The following DIP2C variants were observed in gnomAD, a reference collection of about 807,000 sequenced individuals.
The protein encoded by DIP2C is DIP2 acetate--CoA ligase C (putative).
DIP2C carries 33 observed loss-of-function variants against 192.4 expected under a neutral mutation model. The observed-to-expected ratio is 0.17, with a 90% CI of 0.13 to 0.23. DIP2C has a LOEUF of 0.23. Among genes scored for constraint, DIP2C ranks in the 10% least tolerant of loss-of-function variants. The pLI is 1.00. For missense variants in DIP2C, 1,537 were observed against 2,110.1 expected (o/e 0.73, Z 5.32); for synonymous variants, 979 against 864.1 (o/e 1.13, Z -2.33).
At chr10:359,347 A>G (rs888614029) in intron 22 of DIP2C, among the ~76,000 whole-genome samples, 3 of 152,106 alleles carry the variant, frequency 2.0e-5, no homozygotes, top group Admixed American at 6.5e-5. Flanking sequence ...TGCGCAGGAG[A>G]AGGCACGGCA....
At chr10:388,643 C>A (rs1052073405) in intron 13 of DIP2C, among the ~76,000 whole-genome samples, 4 of 152,226 alleles carry the variant, frequency 2.6e-5, no homozygotes, top group Admixed American at 2.0e-4. Flanking sequence ...GGCAGTGCGT[C>A]CCCAGGTGTG....
At chr10:384,277 T>C (rs1299037844) in intron 15 of DIP2C, 131 bp from the exon 16 acceptor site, 1 of 982,898 alleles carries the variant, frequency 1.0e-6, no homozygotes, top group Non-Finnish European at 1.4e-6. Flanking sequence ...AAACCTTTTT[T>C]TTTTTTTTTT....
At chr10:441,774 T>A (rs537937699) in intron 3 of DIP2C, among the ~76,000 whole-genome samples, 1 of 152,218 alleles carries the variant, frequency 6.6e-6, no homozygotes, top group Non-Finnish European at 1.5e-5. Flanking sequence ...GAAAATGGAC[T>A]AATACAACCA....
intron 2 of DIP2C, among the ~76,000 whole-genome samples, chr10:479,328 C>CTTTTT (rs766379689): frequency 4.5e-5 from 4 of 88,410 alleles, no homozygotes; most frequent in Non-Finnish European, 6.5e-5. Flanking sequence ...TCTCACACTG[C>CTTTTT]TTTTTTTTTT....
At chr10:647,657 C>T (rs533756476) in intron 1 of DIP2C, among the ~76,000 whole-genome samples, 10 of 147,950 alleles carry the variant, frequency 6.8e-5, no homozygotes, top group African/African-American at 2.5e-4. Flanking sequence ...ACTGAATCCA[C>T]GTCCACATTG....
chr10:440,989 G>T lies in DIP2C; in HGVS notation c.276C>A (p.His92Gln). 1 of 1,612,696 alleles carries T rather than the reference G, an allele frequency of 6.2e-7. No individual in the cohort carries two copies. The change falls in exon 4 of 37, where the codon CAC becomes CAA. Residue 92 changes from histidine (H) to glutamine (Q), a missense_variant. This residue lies in a region of DIP2C where 473 missense variants were observed against 539.6 expected (regional missense o/e 0.88). Transcript: ENST00000280886. ...SRDERYRSDV[H>Q]TEAVQAALAK... ...CCAGAGCCGCCTGGACAGCTTCCGTGTGGACGTCTGAAACGGAGAGAGCTC... is the reference window on the plus strand; with the variant it reads ...CCAGAGCCGCCTGGACAGCTTCCGTTTGGACGTCTGAAACGGAGAGAGCTC...
chr10:646,794 G>A (rs1386678565), intron 1 of DIP2C, among the ~76,000 whole-genome samples: 1 of 152,216 alleles, frequency 6.6e-6, no homozygotes, highest in Admixed American at 6.5e-5. Context: ...TTAAATCTGT[G>A]ACTCTCAACT....
chr10:333,918 C>T (rs1401281993), intron 29 of DIP2C, among the ~76,000 whole-genome samples: 4 of 152,182 alleles, frequency 2.6e-5, no homozygotes, highest in Non-Finnish European at 5.9e-5. Flanking sequence ...TATCTTTTCA[C>T]GTCCTTATTG....
rs566281276 is a variant in DIP2C at position 384,681 on chromosome 10, C to T, written c.1663-42G>A. The T allele has an allele frequency of 4.4e-6, 7 of 1,597,340 alleles. No individual in the cohort carries two copies. In the South Asian group the frequency reaches 7.7e-5, roughly 18 times the overall value. On this transcript the variant is annotated intron_variant, in intron 14 of 36. Transcript: ENST00000280886. ...AACACGCAGGGTGAGCATGGAGGGG[C>T]ACGCAGAGGAGCAGCTCTCACCCAG...
chr10:491,872 C>T (rs1009298239), intron 1 of DIP2C, among the ~76,000 whole-genome samples: 1 of 152,166 alleles, frequency 6.6e-6, no homozygotes, highest in East Asian at 1.9e-4. Flanking sequence ...CCACAGGTAT[C>T]GCCCCGTCAG....
At position 419,307 on chromosome 10, in the gene DIP2C, T is replaced by A. The variant is rs545558097; in HGVS notation, c.605-108A>T. The A allele has an allele frequency of 9.1e-5, 138 of 1,520,540 alleles. 2 individuals carry two copies. The South Asian group carries it at 1.6e-3, about 18-fold the overall frequency. The allele number at this position is 1,520,540 out of a possible 1,614,324, so 94.2% of individuals were successfully genotyped here. A position where few individuals can be genotyped will look rare whatever the true frequency, so the allele number is the denominator to read the frequency against. The stretch of plus-strand genomic sequence containing the variant: ...CTGAAGCACAGGTGCTCACCCTGGG[T>A]GTGCCATGGAAAGCCAGAGCCGATC... On this transcript the variant is annotated intron_variant, in intron 5 of 36. Coordinates refer to ENST00000280886, the MANE Select transcript of DIP2C (RefSeq NM_014974.3).
chr10:574,838 T>C lies in DIP2C; in HGVS notation c.86-88308A>G, dbSNP rs560571519. 3.9e-5 allele frequency among the ~76,000 whole-genome samples: 6 copies of C among 152,340 alleles called. No individual in the cohort carries two copies. In the East Asian group the frequency reaches 1.2e-3, roughly 29 times the overall value. On this transcript the variant is annotated intron_variant, in intron 1 of 36. Coordinates refer to ENST00000280886, the MANE Select transcript of DIP2C (RefSeq NM_014974.3). ...AGCATCGCAACGCGGTTTCCTGTTC[T>C]GGTGTTCAATGCTTTGTATGTGCAA...
At chr10:532,262 C>T (rs1288113396) in intron 1 of DIP2C, among the ~76,000 whole-genome samples, 1 of 152,134 alleles carries the variant, frequency 6.6e-6, no homozygotes, top group African/African-American at 2.4e-5. Flanking sequence ...CCCGGAAAGC[C>T]CTGCCCCCAC....
At chr10:327,301 G>T in intron 30 of DIP2C, 125 bp from the exon 31 acceptor site, 2 of 1,083,724 alleles carry the variant, frequency 1.8e-6, no homozygotes, top group Non-Finnish European at 2.6e-6. Context: ...CATTTCCAGG[G>T]CCACCTGTGT....
chr10:533,379 C>G (rs111609053), intron 1 of DIP2C, among the ~76,000 whole-genome samples: 1 of 152,172 alleles, frequency 6.6e-6, no homozygotes, highest in Non-Finnish European at 1.5e-5. Flanking sequence ...ACAGCTTTCT[C>G]AAGGCCGCAC....
intron 1 of DIP2C, among the ~76,000 whole-genome samples, chr10:531,364 G>A (rs917226189): frequency 1.3e-5 from 2 of 151,978 alleles, no homozygotes; most frequent in East Asian, 1.9e-4. Context: ...CTCCCCTCCT[G>A]AGGGGCGTGT....
At chr10:474,764 A>G (rs552930404) in intron 2 of DIP2C, among the ~76,000 whole-genome samples, 105 of 152,284 alleles carry the variant, frequency 6.9e-4, no homozygotes, top group Non-Finnish European at 1.4e-3. Flanking sequence ...TCTGGGTGAA[A>G]ATTACTTTTA....
chr10:424,062 G>A (rs1285461742), intron 4 of DIP2C, among the ~76,000 whole-genome samples: 3 of 152,090 alleles, frequency 2.0e-5, no homozygotes, highest in Non-Finnish European at 4.4e-5. Flanking sequence ...GGAATAAATT[G>A]TTGGTGTATT....
chr10:669,894 T>C (rs1588733424), intron 1 of DIP2C, among the ~76,000 whole-genome samples: 1 of 152,212 alleles, frequency 6.6e-6, no homozygotes, highest in Non-Finnish European at 1.5e-5. Context: ...CAGAACACTA[T>C]CTTTGTTTTG....
Sources: allele counts gnomAD v4.1 joint callset (sites outside exome capture counted in the v4.1 genomes callset), GRCh38; gene constraint gnomAD v4.1.1; regional missense constraint gnomAD v4.1.1; transcripts MANE v1.5; gene names NCBI Gene and HGNC (gene_info 2026-07-23, HGNC 2026-07-21).